The following ELN variants were observed in gnomAD, a reference collection of about 807,000 sequenced individuals.
The protein encoded by ELN is elastin, also known as tropoelastin.
A neutral mutation model predicts 105.8 loss-of-function variants in ELN; 65 were observed. That is an observed-to-expected ratio of 0.61 (90% CI 0.50 to 0.75). The LOEUF (loss-of-function observed/expected upper bound fraction) is 0.75, where lower values mean the gene tolerates loss of function less well. Among genes scored for constraint, ELN ranks in the 30% least tolerant of loss-of-function variants. The pLI, the probability that ELN is intolerant of heterozygous loss-of-function variation, is 0.00. For synonymous variants in ELN, 368 were observed against 389.2 expected (o/e 0.95, Z 0.64); for missense variants, 882 against 969.4 (o/e 0.91, Z 1.20).
intron 15 of ELN, among the ~76,000 whole-genome samples, chr7:74,049,243 C>T (rs964120321): frequency 6.6e-6 from 1 of 151,712 alleles, no homozygotes; most frequent in African/African-American, 2.4e-5. Flanking sequence ...TTCCTCCATG[C>T]AGCCATCTAT....
rs1284858645 is a variant in ELN at position 74,057,649 on chromosome 7, C to A, written c.1367C>A (p.Thr456Asn). 1.2e-6 allele frequency: 2 copies of A among 1,613,910 alleles called. No individual in the cohort carries two copies. The highest frequency in any genetic ancestry group is 2.2e-5 in the East Asian group (1 of 44,874). The change falls in exon 22 of 33, where the codon ACC (threonine) becomes AAC (asparagine). Residue 456 changes from threonine (T) to asparagine (N), a missense_variant. Transcript: ENST00000252034. The stretch of plus-strand genomic sequence containing the variant: ...CTCTTCACACCTCCAGGAGTGGGGA[C>A]CCCAGCAGCTGCAGCTGCTAAAGCA... ...AAKAAKYGVG[T>N]PAAAAAKAAA...
intron 22 of ELN, among the ~76,000 whole-genome samples, chr7:74,058,479 C>G (rs1320246450): frequency 6.6e-6 from 1 of 152,080 alleles, no homozygotes; most frequent in African/African-American, 2.4e-5. Context: ...TTCCGCCCCC[C>G]AAGAGCTGAG....
rs781790610 is a variant in ELN, at chr7:74,037,735, G to A, written c.192G>A (p.Lys64=). 18 of 1,611,972 alleles carry A rather than the reference G, an allele frequency of 1.1e-5. No homozygotes were observed. Among genetic ancestry groups the A allele is most frequent in the Middle Eastern group, 3.3e-4 (2 of 6,080 alleles). Residue 64 remains lysine, a synonymous_variant, in exon 4 of 33, where the codon AAG becomes AAA. Transcript: ENST00000252034. ...TGGGGCCTGGAGGCAAACCTCTTAA[G>A]CCAGGTAAGACCCAAGGCCTCGGAG... is the stretch of plus-strand genomic sequence containing the variant. The part of the protein sequence containing the change: ...GALGPGGKPL[K]PVPGGLAGAG...
At chr7:74,053,130 T>C in intron 17 of ELN, 33 bp from the exon 18 acceptor site, 1 of 1,613,958 alleles carries the variant, frequency 6.2e-7, no homozygotes, top group Non-Finnish European at 8.5e-7. Context: ...GAGGTTCCCA[T>C]AGGTTAGGGG....
intron 21 of ELN, chr7:74,057,428 A>G: frequency 6.6e-7 from 1 of 1,520,840 alleles, no homozygotes; most frequent in Non-Finnish European, 8.8e-7. Context: ...CAGGTGCCCC[A>G]GGCGCAGTCC....
chr7:74,034,268 G>C (rs576735901), intron 1 of ELN, among the ~76,000 whole-genome samples: 2 of 152,290 alleles, frequency 1.3e-5, no homozygotes, highest in Non-Finnish European at 2.9e-5. Context: ...TAGCAGCCCA[G>C]CCTGCCCTTC....
intron 32 of ELN, among the ~76,000 whole-genome samples, chr7:74,068,398 C>T (rs1414710266): frequency 1.3e-5 from 2 of 152,238 alleles, no homozygotes; most frequent in East Asian, 3.9e-4. Context: ...AGGCCCCGTC[C>T]TTCCCCAGCC....
intron 15 of ELN, among the ~76,000 whole-genome samples, chr7:74,050,748 A>G (rs1373345977): frequency 6.6e-6 from 1 of 152,172 alleles, no homozygotes; most frequent in Non-Finnish European, 1.5e-5. Flanking sequence ...CTTAGAGAAT[A>G]TAGCCACTGT....
At chr7:74,062,794 A>G (rs1046620575) in intron 26 of ELN, among the ~76,000 whole-genome samples, 6 of 152,082 alleles carry the variant, frequency 3.9e-5, no homozygotes, top group African/African-American at 1.2e-4. Context: ...CAGGTGATCC[A>G]CTAGCCTCAG....
rs1792160069 is a variant in ELN, at chr7:74,045,126, C to G, written c.470-96C>G. 2.6e-5 allele frequency: 37 copies of G among 1,422,518 alleles called. No homozygotes were observed. The South Asian group carries it at 4.1e-4, about 16-fold the overall frequency. 88.1% of individuals were successfully genotyped at this position (1,422,518 alleles called of 1,614,324 possible). A position where few individuals can be genotyped will look rare whatever the true frequency, so the allele number is the denominator to read the frequency against. On this transcript the variant is annotated intron_variant, in intron 9 of 32. Coordinates refer to ENST00000252034, the MANE Select transcript of ELN (RefSeq NM_000501.4). Reference sequence around the variant, plus strand: ...CGTGCCTGTCACTGACAGTCAGTCCCAAGGGAGGTCAGCTGGGGGACCCGA... The same window carrying G: ...CGTGCCTGTCACTGACAGTCAGTCCGAAGGGAGGTCAGCTGGGGGACCCGA...
intron 31 of ELN, 86 bp from the exon 32 acceptor site, chr7:74,066,646 T>G: frequency 2.2e-6 from 3 of 1,336,098 alleles, no homozygotes; most frequent in Middle Eastern, 1.8e-4. Flanking sequence ...ACAGAGGTCT[T>G]GGGTGAGCCA....
At chr7:74,056,237 G>A in intron 19 of ELN, 34 bp from the exon 20 acceptor site, 1 of 1,614,180 alleles carries the variant, frequency 6.2e-7, no homozygotes, top group Non-Finnish European at 8.5e-7. Context: ...CTCTCACTGA[G>A]CTTCTTTTCT....
chr7:74,066,941 C>T (rs935739556), intron 32 of ELN, among the ~76,000 whole-genome samples, 165 bp downstream of exon 32: 1 of 152,210 alleles, frequency 6.6e-6, no homozygotes, highest in Non-Finnish European at 1.5e-5. Flanking sequence ...GTAGAGCCTC[C>T]CCTCCTTCTT....
chr7:74,043,320 G>A (rs1038465655), intron 8 of ELN, 152 bp downstream of exon 8: 21 of 1,206,528 alleles, frequency 1.7e-5, no homozygotes, highest in South Asian at 9.1e-5. Flanking sequence ...TGGTGCCTGC[G>A]TCTGTGAAAT....
At position 74,061,073 on chromosome 7, in the gene ELN, C is replaced by T. The variant is rs565446082; in HGVS notation, c.1748-28C>T. On this transcript the variant is annotated intron_variant, in intron 25 of 32. Coordinates refer to ENST00000252034, the MANE Select transcript of ELN (RefSeq NM_000501.4). ...CCCAGGCACAGAGCTCGGCTCCTGACCACTCCCCAACTTTTCTTTCTCCCC... is the reference window on the plus strand; with the variant it reads ...CCCAGGCACAGAGCTCGGCTCCTGATCACTCCCCAACTTTTCTTTCTCCCC... The T allele has an allele frequency of 2.0e-4, 327 of 1,614,092 alleles. 5 individuals carry two copies. In the South Asian group the frequency reaches 2.9e-3, roughly 14 times the overall value.
At position 74,065,971 on chromosome 7, in the gene ELN, G is replaced by A. The variant is rs139547471; in HGVS notation, c.2060G>A (p.Gly687Glu). The change falls in exon 31 of 33, where the codon GGG becomes GAG. Residue 687 changes from glycine (G) to glutamate (E), a missense_variant. Physicochemically the swap from Gly to Glu is moderately conservative, Grantham distance 98. Coordinates refer to ENST00000252034, the MANE Select transcript of ELN (RefSeq NM_000501.4). Reference protein sequence around the residue: ...YGAAGLGGVLGGAGQFPLGGV... With the variant: ...YGAAGLGGVLEGAGQFPLGGV... The stretch of plus-strand genomic sequence containing the variant: ...GCTGCTGGCCTTGGAGGTGTCCTAG[G>A]GGGTGCCGGGCAGTTCCCACTTGGA... 245 of 1,614,088 alleles carry A rather than the reference G, an allele frequency of 1.5e-4. 2 individuals carry two copies. The Middle Eastern group carries it at 4.1e-3, about 27-fold the overall frequency.
chr7:74,052,779 AAG>A (rs1464965606), intron 17 of ELN: 7 of 223,326 alleles, frequency 3.1e-5, no homozygotes, highest in Admixed American at 1.1e-4. Flanking sequence ...AAAAGAGAGA[AAG>A]AGAAAGAAAG....
Position 74,056,665 on chromosome 7 carries a change from C to G in ELN, c.1316-7C>G, listed in dbSNP as rs1554680091. On this transcript the variant is annotated splice_polypyrimidine_tract_variant and splice_region_variant and intron_variant, in intron 20 of 32. Coordinates refer to ENST00000252034, the MANE Select transcript of ELN (RefSeq NM_000501.4). ...TGAGGGTCTCTTTCTTTCTCGTTTC[C>G]TTGTAGCCGAAGCTCAGGCAGCAGC... 1 of 1,613,840 alleles carries G rather than the reference C, an allele frequency of 6.2e-7. No homozygotes were observed. The highest frequency in any genetic ancestry group is 8.5e-7 in the Non-Finnish European group (1 of 1,180,026).
At chr7:74,041,113 GACCTGAGTGGCTGATCACAGC>G in intron 4 of ELN, 82 bp from the exon 5 acceptor site, 1 of 1,472,000 alleles carries the variant, frequency 6.8e-7, no homozygotes, top group Non-Finnish European at 9.5e-7. Context: ...CCAGCCTAGG[GACCTGAGTGGCTGATCACAGC>G]ACTGCCCTAA....
Sources: allele counts gnomAD v4.1 joint callset (sites outside exome capture counted in the v4.1 genomes callset), GRCh38; gene constraint gnomAD v4.1.1; transcripts MANE v1.5; gene names NCBI Gene and HGNC (gene_info 2026-07-23, HGNC 2026-07-21).